The following GRM3 variants were observed in gnomAD, a reference collection of about 807,000 sequenced individuals.
GRM3 encodes the protein glutamate metabotropic receptor 3.
In GRM3, 26 loss-of-function variants were observed where a neutral mutation model predicts 70.5. The ratio of observed to expected loss-of-function variants is 0.37; its 90% CI spans 0.27 to 0.51. The LOEUF (loss-of-function observed/expected upper bound fraction) is 0.51, where lower values mean the gene tolerates loss of function less well. GRM3 is among the 20% of genes least tolerant of loss of function. The probability of loss-of-function intolerance (pLI) is 0.93; values close to 1 mark genes in which losing one functional copy is unlikely to be tolerated. For missense variants in GRM3, 859 were observed against 1,123.8 expected (o/e 0.76, Z 3.37); for synonymous variants, 443 against 434.9 (o/e 1.02, Z -0.23).
chr7:86,745,701 T>C (rs1796086146), intron 1 of GRM3, among the ~76,000 whole-genome samples: 1 of 152,096 alleles, frequency 6.6e-6, no homozygotes, highest in South Asian at 2.1e-4. Context: ...GTAAAATGTA[T>C]ACATGCCTAA....
At chr7:86,689,858 C>T (rs754463848) in intron 1 of GRM3, among the ~76,000 whole-genome samples, 4 of 151,890 alleles carry the variant, frequency 2.6e-5, no homozygotes, top group Non-Finnish European at 5.9e-5. Flanking sequence ...CATAAAATCC[C>T]CTATATATTT....
intron 1 of GRM3, among the ~76,000 whole-genome samples, chr7:86,703,414 C>T (rs780736570): frequency 7.2e-5 from 11 of 151,792 alleles, no homozygotes; most frequent in Non-Finnish European, 1.5e-4. Flanking sequence ...GAAATTCAAT[C>T]TCAGATAAGA....
chr7:86,740,164 G>A (rs1387696119), intron 1 of GRM3, among the ~76,000 whole-genome samples: 1 of 151,984 alleles, frequency 6.6e-6, no homozygotes, highest in South Asian at 2.1e-4. Context: ...AAATGTAAAT[G>A]AGAACATTTA....
intron 5 of GRM3, among the ~76,000 whole-genome samples, chr7:86,851,173 A>G (rs925434122): frequency 1.6e-4 from 25 of 152,300 alleles, no homozygotes; most frequent in African/African-American, 6.0e-4. Context: ...TTATCACAGT[A>G]AAACTAACAT....
chr7:86,718,505 T>G (rs1283480284), intron 1 of GRM3, among the ~76,000 whole-genome samples: 1 of 151,978 alleles, frequency 6.6e-6, no homozygotes, highest in East Asian at 1.9e-4. Context: ...CTAGAAATAG[T>G]CATTTTGTTT....
intron 2 of GRM3, among the ~76,000 whole-genome samples, chr7:86,768,999 T>A (rs1009082877): frequency 1.3e-5 from 2 of 152,154 alleles, no homozygotes; most frequent in African/African-American, 4.8e-5. Flanking sequence ...TTAATAAGAA[T>A]TCTAAAAAAT....
intron 1 of GRM3, among the ~76,000 whole-genome samples, chr7:86,692,263 C>T (rs959170469): frequency 3.3e-5 from 5 of 152,168 alleles, no homozygotes; most frequent in Admixed American, 2.6e-4. Flanking sequence ...TGTTTTCAAA[C>T]ATTTTTTCTC....
At chr7:86,669,581 G>A (rs1794119911) in intron 1 of GRM3, among the ~76,000 whole-genome samples, 1 of 152,132 alleles carries the variant, frequency 6.6e-6, no homozygotes, top group South Asian at 2.1e-4. Context: ...CATTGTAGAA[G>A]TATTATTTTG....
intron 5 of GRM3, among the ~76,000 whole-genome samples, chr7:86,852,968 G>T (rs534538928): frequency 6.6e-6 from 1 of 152,200 alleles, no homozygotes; most frequent in South Asian, 2.1e-4. Context: ...TAATAAGTTG[G>T]AAGTATTTCA....
intron 1 of GRM3, among the ~76,000 whole-genome samples, chr7:86,722,962 T>A (rs1795506929): frequency 6.6e-6 from 1 of 152,054 alleles, no homozygotes; most frequent in South Asian, 2.1e-4. Context: ...TATTCCACCT[T>A]TTCACTCATT....
rs572983528 is a variant in GRM3, at chr7:86,734,027, T to C, written c.-140-30979T>C. Among the ~76,000 whole-genome samples, 3 of 152,328 alleles carry C rather than the reference T, an allele frequency of 2.0e-5. No homozygotes were observed. The South Asian group carries it at 6.2e-4, about 32-fold the overall frequency. On this transcript the variant is annotated intron_variant, in intron 1 of 5. Transcript: ENST00000361669. Reference sequence around the variant, plus strand: ...CCTATTCTTGACTGCAGCACATCCATTTTCCTTACAGGGAGTATCCAGTTT... The same window carrying C: ...CCTATTCTTGACTGCAGCACATCCACTTTCCTTACAGGGAGTATCCAGTTT...
At position 86,850,231 on chromosome 7, in the gene GRM3, T is replaced by C; in HGVS notation, c.2392-139T>C. 1.5e-5 allele frequency: 9 copies of C among 601,872 alleles called. 1 individual carries two copies. In the South Asian group the frequency reaches 1.7e-4, roughly 11 times the overall value. The allele number at this position is 601,872 out of a possible 1,614,324, so 37.3% of individuals were successfully genotyped here. A position where few individuals can be genotyped will look rare whatever the true frequency, so the allele number is the denominator to read the frequency against. On this transcript the variant is annotated intron_variant, in intron 4 of 5. Coordinates refer to ENST00000361669, the MANE Select transcript of GRM3 (RefSeq NM_000840.3). ...AACATAGAAGATTCAATATAATTAC[T>C]GTATTGATTTGGCTACAATAAGGAC...
At chr7:86,662,157 CTA>C (rs1267920810) in intron 1 of GRM3, among the ~76,000 whole-genome samples, 3 of 151,816 alleles carry the variant, frequency 2.0e-5, no homozygotes, top group Non-Finnish European at 4.4e-5. Context: ...AAGAAAAACT[CTA>C]TTTCATGTAT....
In GRM3 at chr7:86,644,742, C is replaced by G; in HGVS notation, c.-271C>G. On this transcript the variant is annotated 5_prime_UTR_variant, in exon 1 of 6. Coordinates refer to ENST00000361669, the MANE Select transcript of GRM3 (RefSeq NM_000840.3). Reference sequence around the variant, plus strand: ...AGTTCTCCCTTGGATTTGGAAAGGACAAAGCCAGTAAGCTACCTCTTTTGT... The same window carrying G: ...AGTTCTCCCTTGGATTTGGAAAGGAGAAAGCCAGTAAGCTACCTCTTTTGT... 8.1e-7 allele frequency: 1 copy of G among 1,234,008 alleles called. No homozygotes were observed. The highest frequency in any genetic ancestry group is 1.5e-5 in the African/African-American group (1 of 64,864). The allele number at this position is 1,234,008 out of a possible 1,614,324, so 76.4% of individuals were successfully genotyped here. A position where few individuals can be genotyped will look rare whatever the true frequency, so the allele number is the denominator to read the frequency against.
At chr7:86,811,606 G>A (rs977956618) in intron 3 of GRM3, among the ~76,000 whole-genome samples, 3 of 151,718 alleles carry the variant, frequency 2.0e-5, no homozygotes, top group Non-Finnish European at 2.9e-5. Flanking sequence ...GACCCCATAC[G>A]CTGAGAGGCT....
intron 3 of GRM3, among the ~76,000 whole-genome samples, chr7:86,787,865 G>A (rs1797305163): frequency 6.6e-6 from 1 of 152,150 alleles, no homozygotes; most frequent in African/African-American, 2.4e-5. Flanking sequence ...TCTAAATACA[G>A]TCTAAATATT....
intron 1 of GRM3, among the ~76,000 whole-genome samples, chr7:86,716,286 G>A (rs1795312197): frequency 6.6e-6 from 1 of 151,868 alleles, no homozygotes; most frequent in South Asian, 2.1e-4. Context: ...AACGGAGAGA[G>A]GAGAAAGACA....
intron 1 of GRM3, among the ~76,000 whole-genome samples, chr7:86,673,733 C>G (rs771852613): frequency 1.3e-5 from 2 of 152,110 alleles, no homozygotes; most frequent in Non-Finnish European, 1.5e-5. Context: ...ATCTCCCAAA[C>G]TGAATCCATT....
At chr7:86,822,538 G>T (rs1440080887) in intron 3 of GRM3, among the ~76,000 whole-genome samples, 1 of 151,950 alleles carries the variant, frequency 6.6e-6, no homozygotes, top group African/African-American at 2.4e-5. Context: ...AGCACAAGTG[G>T]AAAAAAATGC....
Sources: allele counts gnomAD v4.1 joint callset (sites outside exome capture counted in the v4.1 genomes callset), GRCh38; gene constraint gnomAD v4.1.1; transcripts MANE v1.5; gene names NCBI Gene and HGNC (gene_info 2026-07-23, HGNC 2026-07-21).